SPTB: variants seen among roughly 807,000 people sequenced by gnomAD.
The protein encoded by SPTB is spectrin beta chain, erythrocytic.
A neutral mutation model predicts 256.2 loss-of-function variants in SPTB; 45 were observed. That is an observed-to-expected ratio of 0.18 (90% CI 0.14 to 0.23). The LOEUF is 0.23. Ranked by LOEUF, SPTB falls within the 10% of genes least tolerant of loss-of-function variation. The pLI is 1.00. For missense variants in SPTB, 2,715 were observed against 3,040.4 expected, an observed-to-expected ratio of 0.89 and a Z score of 2.52; for synonymous variants, 1,231 against 1,243.1, an observed-to-expected ratio of 0.99 and a Z score of 0.21.
chr14:64,834,793 C>CA (rs34654100), intron 1 of SPTB, among the ~76,000 whole-genome samples: 8 of 151,942 alleles, frequency 5.3e-5, no homozygotes, highest in Non-Finnish European at 7.4e-5. Flanking sequence ...TTTCCTCACC[C>CA]AAAAAAATTG....
chr14:64,802,269 C>A lies in SPTB; in HGVS notation c.523G>T (p.Ala175Ser). Residue 175 changes from alanine (A) to serine (S), a missense_variant, in exon 5 of 36, where the codon GCC becomes TCC. By Grantham distance (99) the Ala-to-Ser change is moderately conservative. Coordinates refer to ENST00000644917, the MANE Select transcript of SPTB (RefSeq NM_001355436.2). This position sits in a 1 kb window ranked among gnomAD's most constrained non-coding sequence, Gnocchi z 5.1. ...CACCACAACAGCAACGCATCCTTGG[C>A]TGAGCGTGTTTCACGACCTTCCTGA... ...QTQEGRETRSAKDALLLWCQM... is the reference protein window; with the variant it reads ...QTQEGRETRSSKDALLLWCQM... 6.2e-7 allele frequency: 1 copy of A among 1,614,238 alleles called. No individual in the cohort carries two copies. Among genetic ancestry groups the A allele is most frequent in the Non-Finnish European group, 8.5e-7 (1 of 1,180,040 alleles).
At chr14:64,787,266 C>T (rs1003499744) in intron 15 of SPTB, 106 bp from the exon 16 acceptor site, 12 of 1,454,578 alleles carry the variant, frequency 8.2e-6, no homozygotes, top group African/African-American at 2.8e-5. Flanking sequence ...AGTCTCCCCC[C>T]ACAGACTTTG....
chr14:64,780,015 A>C, intron 20 of SPTB, 84 bp from the exon 21 acceptor site: 1 of 1,229,712 alleles, frequency 8.1e-7, no homozygotes, highest in Non-Finnish European at 1.2e-6. Context: ...CATCCCACCC[A>C]TCCTTTAAGG....
In SPTB at chr14:64,796,521, C is replaced by A. The variant is rs771129934; in HGVS notation, c.1341+36G>T. ...AAGAGCTGGGGGCTCTGAAGAATGT[C>A]CCCTCTCCTGTCACCCAAAGCATGT... is the stretch of plus-strand genomic sequence containing the variant. On this transcript the variant is annotated intron_variant, in intron 11 of 35. Transcript: ENST00000644917. The surrounding 1 kb of genome is among the most constrained non-coding windows in gnomAD (Gnocchi z 4.1). 6.2e-7 allele frequency: 1 copy of A among 1,613,848 alleles called. No individual in the cohort carries two copies. Among genetic ancestry groups the A allele is most frequent in the Non-Finnish European group, 8.5e-7 (1 of 1,179,996 alleles).
rs145083073 is a variant in SPTB, at chr14:64,846,467, C to A, written c.-51-23322G>T. 2.0e-3 allele frequency among the ~76,000 whole-genome samples: 309 copies of A among 152,336 alleles called. 5 individuals carry two copies. The highest frequency in any genetic ancestry group is 3.1e-4 in the Non-Finnish European group (21 of 68,028). ...GATATAGAGAGAGAGCACCTAGGTG[C>A]CTGAAAGGGCAGCAGAACGCATAGG... On this transcript the variant is annotated intron_variant, in intron 1 of 35. Coordinates refer to ENST00000644917, the MANE Select transcript of SPTB (RefSeq NM_001355436.2).
intron 1 of SPTB, among the ~76,000 whole-genome samples, chr14:64,871,117 C>A (rs1244958973): frequency 6.6e-6 from 1 of 152,062 alleles, no homozygotes; most frequent in Non-Finnish European, 1.5e-5. Flanking sequence ...TACACATATA[C>A]AAAGAAAGTT....
chr14:64,866,699 G>A lies in SPTB; in HGVS notation c.-52+13093C>T, dbSNP rs954627724. Among the ~76,000 whole-genome samples, 1 of 152,140 alleles carries A rather than the reference G, an allele frequency of 6.6e-6. No individual in the cohort carries two copies. Among genetic ancestry groups the A allele is most frequent in the African/African-American group, 2.4e-5 (1 of 41,426 alleles). On this transcript the variant is annotated intron_variant, in intron 1 of 35. Coordinates refer to ENST00000644917, the MANE Select transcript of SPTB (RefSeq NM_001355436.2). This position sits in a 1 kb window ranked among gnomAD's most constrained non-coding sequence, Gnocchi z 4.6. ...AGAATTCGGGTGAGTCCAGCCGTTG[G>A]TGAGGCTCACTTTTTGTCCGGGTAA... is the stretch of plus-strand genomic sequence containing the variant.
At chr14:64,812,728 G>C (rs2083114315) in intron 2 of SPTB, among the ~76,000 whole-genome samples, 1 of 152,044 alleles carries the variant, frequency 6.6e-6, no homozygotes, top group Admixed American at 6.6e-5. Context: ...ACCATCAAAA[G>C]TCCCTAGTGG....
intron 2 of SPTB, among the ~76,000 whole-genome samples, chr14:64,812,696 G>A (rs565197235): frequency 1.3e-5 from 2 of 152,058 alleles, no homozygotes; most frequent in South Asian, 2.1e-4. Flanking sequence ...ACCTCCTGAC[G>A]TCACGGGCAT....
At position 64,753,796 on chromosome 14, in the gene SPTB, G is replaced by A. The variant is rs781754468; in HGVS notation, c.6346-3C>T. On this transcript the variant is annotated splice_polypyrimidine_tract_variant and splice_region_variant and intron_variant, in intron 32 of 35. Transcript: ENST00000644917. The stretch of plus-strand genomic sequence containing the variant: ...GGCCACGTTCCCTCTTCTTCCCCCT[G>A]CTCAGGGCATAGGGAGGAGCACACC... 1.2e-6 allele frequency: 2 copies of A among 1,612,396 alleles called. No individual in the cohort carries two copies. Among genetic ancestry groups the A allele is most frequent in the African/African-American group, 2.7e-5 (2 of 74,888 alleles).
chr14:64,774,702 C>G (rs754994290), intron 23 of SPTB, among the ~76,000 whole-genome samples, 175 bp from the exon 24 acceptor site: 1 of 152,130 alleles, frequency 6.6e-6, no homozygotes, highest in Non-Finnish European at 1.5e-5. Flanking sequence ...CAGCAATGCC[C>G]GTGCCCTACC....
At chr14:64,767,180 A>C (rs2082198799) in intron 31 of SPTB, 123 bp downstream of exon 31, 2 of 1,283,890 alleles carry the variant, frequency 1.6e-6, no homozygotes, top group Non-Finnish European at 2.2e-6. Flanking sequence ...GGCCTTCCTG[A>C]CGAGGGTGCC....
At chr14:64,798,518 A>G (rs538284292) in intron 9 of SPTB, among the ~76,000 whole-genome samples, 1 of 152,240 alleles carries the variant, frequency 6.6e-6, no homozygotes, top group East Asian at 1.9e-4. Flanking sequence ...CTAAGTGTCC[A>G]CCCATTTCTG....
At chr14:64,770,816 GCA>G (rs2082268250) in intron 27 of SPTB, 67 bp downstream of exon 27, 37 of 1,610,078 alleles carry the variant, frequency 2.3e-5, no homozygotes, top group Non-Finnish European at 3.1e-5. Context: ...CCACAGTGCA[GCA>G]CCCTGGTTGG....
chr14:64,779,629 T>C lies in SPTB; in HGVS notation c.4473+96A>G. 7.7e-7 allele frequency: 1 copy of C among 1,306,888 alleles called. No homozygotes were observed. The highest frequency in any genetic ancestry group is 1.2e-5 in the South Asian group (1 of 84,572). The allele number at this position is 1,306,888 out of a possible 1,614,324, so 81.0% of individuals were successfully genotyped here. On this transcript the variant is annotated intron_variant, in intron 21 of 35. Coordinates refer to ENST00000644917, the MANE Select transcript of SPTB (RefSeq NM_001355436.2). This position sits in a 1 kb window ranked among gnomAD's most constrained non-coding sequence, Gnocchi z 4.2. ...AGATAAGGGGTGAGGTGACCAGTCA[T>C]CTACTGCCAAAAATTGCTCTGGGTG... is the stretch of plus-strand genomic sequence containing the variant.
rs1230134674 is a variant in SPTB, at chr14:64,764,792, C to T, written c.6345+1934G>A. 1.3e-5 allele frequency among the ~76,000 whole-genome samples: 2 copies of T among 152,166 alleles called. No homozygotes were observed. Among genetic ancestry groups the T allele is most frequent in the African/African-American group, 4.8e-5 (2 of 41,446 alleles). ...CCCGTGTCCGCAGTCTGTGCCGGCCCCCCAGAGTTCGCTCTCCTTCCGGCA... is the reference window on the plus strand; with the variant it reads ...CCCGTGTCCGCAGTCTGTGCCGGCCTCCCAGAGTTCGCTCTCCTTCCGGCA... On this transcript the variant is annotated intron_variant, in intron 32 of 35. Coordinates refer to ENST00000644917, the MANE Select transcript of SPTB (RefSeq NM_001355436.2). This position sits in a 1 kb window ranked among gnomAD's most constrained non-coding sequence, Gnocchi z 4.2.
intron 23 of SPTB, 119 bp from the exon 24 acceptor site, chr14:64,774,646 C>T: frequency 7.0e-7 from 1 of 1,425,554 alleles, no homozygotes; most frequent in South Asian, 1.2e-5. Flanking sequence ...TTGTGGGACA[C>T]CCGCAGGAGA....
chr14:64,793,328 G>T lies in SPTB; in HGVS notation c.2335C>A (p.Arg779=). The T allele has an allele frequency of 1.2e-6, 2 of 1,609,372 alleles. No individual in the cohort carries two copies. The highest frequency in any genetic ancestry group is 1.1e-5 in the South Asian group (1 of 91,088). The part of the protein sequence containing the change: ...EDVGQDEGAT[R]ALGKKHKDFL... Reference sequence around the variant, plus strand: ...TCCTTGTGCTTTTTCCCCAGGGCCCGCGTGGCCCCTTCGTCCTGCCCCACA... The same window carrying T: ...TCCTTGTGCTTTTTCCCCAGGGCCCTCGTGGCCCCTTCGTCCTGCCCCACA... Residue 779 remains arginine (R), a synonymous_variant, in exon 14 of 36, where the codon CGG becomes AGG. Transcript: ENST00000644917. This position sits in a 1 kb window ranked among gnomAD's most constrained non-coding sequence, Gnocchi z 7.0.
At chr14:64,794,743 A>G (rs1230455072) in intron 12 of SPTB, 126 bp from the exon 13 acceptor site, 1 of 1,244,230 alleles carries the variant, frequency 8.0e-7, no homozygotes, top group Non-Finnish European at 1.1e-6. Context: ...GCAGCCAGAA[A>G]AGGGCTGCTG....
Sources: allele counts gnomAD v4.1 joint callset (sites outside exome capture counted in the v4.1 genomes callset), GRCh38; gene constraint gnomAD v4.1.1; non-coding constraint Gnocchi (gnomAD v3.1); transcripts MANE v1.5; gene names NCBI Gene and HGNC (gene_info 2026-07-23, HGNC 2026-07-21).